Variants in NKAIN3 observed in about 807,000 individuals in gnomAD.
NKAIN3 encodes sodium/potassium transporting ATPase interacting 3, also known as sodium/potassium-transporting ATPase subunit beta-1-interacting protein 3.
NKAIN3 carries 25 observed loss-of-function variants against 30.2 expected under a neutral mutation model. The ratio of observed to expected loss-of-function variants is 0.83; its 90% CI spans 0.60 to 1.16. The LOEUF (loss-of-function observed/expected upper bound fraction) is 1.16, where lower values mean the gene tolerates loss of function less well. Among genes scored for constraint, NKAIN3 ranks in the 50% most tolerant of loss-of-function variants. The pLI is 0.00. For synonymous variants in NKAIN3, 91 were observed against 89.6 expected (o/e 1.02, Z -0.09); for missense variants, 225 against 254.1 (o/e 0.89, Z 0.78).
At chr8:62,761,114 C>A (rs1816646636) in intron 4 of NKAIN3, among the ~76,000 whole-genome samples, 5 of 151,902 alleles carry the variant, frequency 3.3e-5, no homozygotes, top group Admixed American at 2.6e-4. Context: ...TACCACCTTG[C>A]CTTGGACATA....
intron 1 of NKAIN3, among the ~76,000 whole-genome samples, chr8:62,502,088 C>T (rs1194195688): frequency 6.6e-6 from 1 of 152,162 alleles, no homozygotes; most frequent in African/African-American, 2.4e-5. Context: ...ACTTATGACT[C>T]ATCCCTTGCA....
At chr8:62,754,140 A>G (rs1263957962) in intron 4 of NKAIN3, among the ~76,000 whole-genome samples, 1 of 152,124 alleles carries the variant, frequency 6.6e-6, no homozygotes, top group Non-Finnish European at 1.5e-5. Context: ...AAGAGATGTT[A>G]TAGTTGCTTT....
At chr8:62,838,126 G>GCT (rs1819424430) in intron 4 of NKAIN3, among the ~76,000 whole-genome samples, 1 of 85,824 alleles carries the variant, frequency 1.2e-5, no homozygotes, top group Non-Finnish European at 2.5e-5. Context: ...GAACAATACC[G>GCT]CTCTGTGTGT....
At chr8:62,590,404 A>G (rs1384900630) in intron 3 of NKAIN3, among the ~76,000 whole-genome samples, 1 of 151,854 alleles carries the variant, frequency 6.6e-6, no homozygotes, top group Non-Finnish European at 1.5e-5. Flanking sequence ...AGCAAAGCAC[A>G]TGATTTTATT....
At chr8:62,469,029 T>A (rs1806246117) in intron 1 of NKAIN3, among the ~76,000 whole-genome samples, 1 of 152,178 alleles carries the variant, frequency 6.6e-6, no homozygotes, top group Non-Finnish European at 1.5e-5. Flanking sequence ...CTAGGACTTC[T>A]CCACCCTCCT....
At chr8:62,381,578 A>G (rs1438964343) in intron 1 of NKAIN3, among the ~76,000 whole-genome samples, 2 of 152,148 alleles carry the variant, frequency 1.3e-5, no homozygotes, top group Non-Finnish European at 2.9e-5. Flanking sequence ...ATAAAGCCAT[A>G]TATCTTTTCC....
chr8:62,671,720 T>G (rs1199593676), intron 3 of NKAIN3, among the ~76,000 whole-genome samples: 1 of 152,144 alleles, frequency 6.6e-6, no homozygotes, highest in Admixed American at 6.6e-5. Context: ...TTCTTGGGAC[T>G]AAATTATTAC....
intron 4 of NKAIN3, among the ~76,000 whole-genome samples, chr8:62,816,549 G>A (rs542077593): frequency 2.9e-3 from 443 of 152,222 alleles, no homozygotes; most frequent in African/African-American, 0.01. Flanking sequence ...GCAGCTCTTG[G>A]TTCTGGGGAG....
chr8:62,546,693 T>C (rs767406203), intron 1 of NKAIN3, among the ~76,000 whole-genome samples: 88 of 152,296 alleles, frequency 5.8e-4, no homozygotes, highest in Non-Finnish European at 1.2e-3. Context: ...AAACCAGAAG[T>C]TTCTGGAATG....
chr8:62,606,826 G>A (rs1307854452), intron 3 of NKAIN3, among the ~76,000 whole-genome samples: 1 of 152,166 alleles, frequency 6.6e-6, no homozygotes, highest in Non-Finnish European at 1.5e-5. Flanking sequence ...ACTCTGTCCT[G>A]CTTCAAGGCA....
At chr8:62,484,235 C>G (rs1806830140) in intron 1 of NKAIN3, among the ~76,000 whole-genome samples, 1 of 152,220 alleles carries the variant, frequency 6.6e-6, no homozygotes, top group Non-Finnish European at 1.5e-5. Flanking sequence ...TTAGCAGACT[C>G]TAGGCTCTTT....
chr8:62,254,568 A>ATCAT (rs1187059064), intron 1 of NKAIN3, among the ~76,000 whole-genome samples: 5 of 152,194 alleles, frequency 3.3e-5, no homozygotes, highest in Non-Finnish European at 1.5e-5. Context: ...TAGAGCTGGA[A>ATCAT]TCATTGGTAA....
intron 1 of NKAIN3, among the ~76,000 whole-genome samples, chr8:62,509,941 A>G (rs957064313): frequency 2.0e-5 from 3 of 152,160 alleles, no homozygotes; most frequent in African/African-American, 7.2e-5. Flanking sequence ...GACATAGGAC[A>G]TGTGCATAAA....
At chr8:62,722,524 A>G (rs1183907791) in intron 3 of NKAIN3, among the ~76,000 whole-genome samples, 1 of 152,184 alleles carries the variant, frequency 6.6e-6, no homozygotes, top group Non-Finnish European at 1.5e-5. Context: ...CTCATGAACT[A>G]TCTGGTTAGT....
intron 1 of NKAIN3, among the ~76,000 whole-genome samples, chr8:62,463,402 A>ACTAT (rs1806058149): frequency 1.3e-5 from 2 of 152,232 alleles, no homozygotes. Flanking sequence ...TATGTTCTAC[A>ACTAT]CTATCATATT....
At chr8:62,776,030 T>G (rs570029424) in intron 4 of NKAIN3, among the ~76,000 whole-genome samples, 2 of 152,216 alleles carry the variant, frequency 1.3e-5, no homozygotes, top group Admixed American at 1.3e-4. Flanking sequence ...ATGATCTTCT[T>G]CATCTCTTTT....
chr8:62,761,652 A>G (rs1285952608), intron 4 of NKAIN3, among the ~76,000 whole-genome samples: 1 of 152,188 alleles, frequency 6.6e-6, no homozygotes, highest in Admixed American at 6.5e-5. Context: ...TTCTGGCCCT[A>G]TGCTTTGTTC....
intron 1 of NKAIN3, among the ~76,000 whole-genome samples, chr8:62,275,569 T>C (rs559924520): frequency 6.6e-6 from 1 of 152,338 alleles, no homozygotes; most frequent in South Asian, 2.1e-4. Flanking sequence ...TTTTCTAGTT[T>C]AAAGACCAGC....
intron 3 of NKAIN3, among the ~76,000 whole-genome samples, chr8:62,637,156 G>T (rs1812156301): frequency 6.6e-6 from 1 of 152,138 alleles, no homozygotes. Flanking sequence ...ACAAACATTT[G>T]CCTCTAATGG....
Sources: gnomAD v4.1 joint callset for allele counts (sites outside exome capture counted in the v4.1 genomes callset) on GRCh38, gnomAD v4.1.1 for gene constraint, MANE v1.5 for transcripts, NCBI Gene and HGNC (gene_info 2026-07-23, HGNC 2026-07-21) for gene names.